The following CDH11 variants were observed in gnomAD, a reference collection of about 807,000 sequenced individuals.
The protein encoded by CDH11 is cadherin 11, also known as cadherin-11.
A neutral mutation model predicts 67.8 loss-of-function variants in CDH11; 11 were observed. The observed-to-expected ratio is 0.16, with a 90% confidence interval of 0.10 to 0.27. CDH11 has a LOEUF of 0.27. Ranked by LOEUF, CDH11 falls within the 10% of genes least tolerant of loss-of-function variation. The pLI is 1.00. For synonymous variants in CDH11, 419 were observed against 400.0 expected (o/e 1.05, Z -0.57); for missense variants, 847 against 1,031.2 (o/e 0.82, Z 2.45).
chr16:65,109,619 T>C (rs111942932), intron 1 of CDH11, among the ~76,000 whole-genome samples: 8 of 152,310 alleles, frequency 5.3e-5, no homozygotes, highest in African/African-American at 1.7e-4. Flanking sequence ...CACCCATCAA[T>C]GCCGAGAGTT....
At chr16:65,100,652 G>A (rs1031342181) in intron 1 of CDH11, among the ~76,000 whole-genome samples, 3 of 150,600 alleles carry the variant, frequency 2.0e-5, no homozygotes, top group Non-Finnish European at 4.4e-5. Flanking sequence ...GCAGGAGAAT[G>A]ACGTGAACCC....
chr16:65,016,140 T>C (rs2073302317), intron 2 of CDH11, among the ~76,000 whole-genome samples: 1 of 152,240 alleles, frequency 6.6e-6, no homozygotes, highest in African/African-American at 2.4e-5. Context: ...CTCTGCCACA[T>C]TTTTAAATGG....
intron 1 of CDH11, among the ~76,000 whole-genome samples, chr16:65,103,208 A>G (rs928417955): frequency 6.6e-6 from 1 of 152,086 alleles, no homozygotes; most frequent in African/African-American, 2.4e-5. Flanking sequence ...GAGTTATCAC[A>G]TATTCTCGGT....
intron 8 of CDH11, among the ~76,000 whole-genome samples, chr16:64,973,432 A>C (rs2072067973): frequency 6.6e-6 from 1 of 152,212 alleles, no homozygotes; most frequent in African/African-American, 2.4e-5. Context: ...AGATTTTTGC[A>C]TATGAAATTT....
chr16:64,998,656 C>G lies in CDH11; in HGVS notation c.429G>C (p.Ser143=), dbSNP rs574599418. ...TGTCCTGGACCTTGACAATGAATTC[C>G]GACGGTGGCTCCAGTGGCCGATTGG... ...RDTNRPLEPP[S]EFIVKVQDIN... Residue 143 remains serine, a synonymous_variant, in exon 4 of 13, where the codon TCG becomes TCC. Coordinates refer to ENST00000268603, the MANE Select transcript of CDH11 (RefSeq NM_001797.4). 1 of 1,614,024 alleles carries G rather than the reference C, an allele frequency of 6.2e-7. No individual in the cohort carries two copies. Among genetic ancestry groups the G allele is most frequent in the East Asian group, 2.2e-5 (1 of 44,848 alleles).
rs371917980 is a variant in CDH11, at chr16:64,982,245, C to A, written c.1056G>T (p.Val352=). ...AYSLKVEAAN[V]HIDPKFISNG... ...TGCTGATAAACTTCGGGTCGATGTG[C>A]ACGTTGGCTGCCTCTACCTTCAAGC... is the stretch of plus-strand genomic sequence containing the variant. Residue 352 remains valine (V), a synonymous_variant, in exon 8 of 13, where the codon GTG becomes GTT. Coordinates refer to ENST00000268603, the MANE Select transcript of CDH11 (RefSeq NM_001797.4). 1 of 1,613,216 alleles carries A rather than the reference C, an allele frequency of 6.2e-7. No individual in the cohort carries two copies. Among genetic ancestry groups the A allele is most frequent in the Non-Finnish European group, 8.5e-7 (1 of 1,179,308 alleles).
chr16:65,105,783 A>G (rs2142868655), intron 1 of CDH11, among the ~76,000 whole-genome samples: 1 of 152,346 alleles, frequency 6.6e-6, no homozygotes, highest in Admixed American at 6.5e-5. Context: ...TTCAGAAAGA[A>G]ATGTTAATCG....
chr16:65,026,516 C>A (rs557686987), intron 2 of CDH11, among the ~76,000 whole-genome samples: 1 of 152,132 alleles, frequency 6.6e-6, no homozygotes. Context: ...TTCCACATAG[C>A]CACCACTCAA....
intron 2 of CDH11, among the ~76,000 whole-genome samples, chr16:65,010,153 T>A (rs1475311583): frequency 6.6e-6 from 1 of 152,108 alleles, no homozygotes; most frequent in African/African-American, 2.4e-5. Context: ...TAATTTATAG[T>A]TAGAGACAGG....
intron 1 of CDH11, among the ~76,000 whole-genome samples, chr16:65,058,060 C>T (rs560211791): frequency 2.6e-5 from 4 of 151,892 alleles, no homozygotes; most frequent in East Asian, 1.9e-4. Flanking sequence ...TATGGCGAAA[C>T]GTGTAAAAAA....
At chr16:65,018,945 G>C (rs2142571246) in intron 2 of CDH11, among the ~76,000 whole-genome samples, 1 of 152,278 alleles carries the variant, frequency 6.6e-6, no homozygotes, top group South Asian at 2.1e-4. Flanking sequence ...AATTGACAAG[G>C]AAATCCAGTT....
At chr16:65,001,209 G>A (rs1461237512) in intron 3 of CDH11, among the ~76,000 whole-genome samples, 6 of 152,086 alleles carry the variant, frequency 3.9e-5, no homozygotes, top group Non-Finnish European at 8.8e-5. Flanking sequence ...TTGTTTCTAG[G>A]GGGAAAAAAT....
chr16:65,069,506 C>T (rs1053268197), intron 1 of CDH11, among the ~76,000 whole-genome samples: 10 of 152,110 alleles, frequency 6.6e-5, no homozygotes, highest in African/African-American at 2.2e-4. Context: ...ACATAGACAC[C>T]TGAGCTGGCC....
At position 64,977,611 on chromosome 16, in the gene CDH11, T is replaced by C. The variant is rs923756562; in HGVS notation, c.1253+4437A>G. Among the ~76,000 whole-genome samples, 7 of 152,320 alleles carry C rather than the reference T, an allele frequency of 4.6e-5. No homozygotes were observed. The East Asian group carries it at 1.2e-3, about 25-fold the overall frequency. Reference sequence around the variant, plus strand: ...CATATCTTTCTGCACAAAGAGAATATAGTAATCAAACCTTCTTGGGAAATC... The same window carrying C: ...CATATCTTTCTGCACAAAGAGAATACAGTAATCAAACCTTCTTGGGAAATC... On this transcript the variant is annotated intron_variant, in intron 8 of 12. Coordinates refer to ENST00000268603, the MANE Select transcript of CDH11 (RefSeq NM_001797.4).
At chr16:65,071,224 C>G (rs774802500) in intron 1 of CDH11, among the ~76,000 whole-genome samples, 1 of 152,170 alleles carries the variant, frequency 6.6e-6, no homozygotes, top group African/African-American at 2.4e-5. Context: ...CCAGCAAGCC[C>G]GTTAACGATT....
chr16:65,039,325 A>G (rs1382664605), intron 2 of CDH11, among the ~76,000 whole-genome samples: 3 of 152,348 alleles, frequency 2.0e-5, no homozygotes, highest in African/African-American at 7.2e-5. Flanking sequence ...ACAAGGCTAC[A>G]GTAACCAAAA....
chr16:64,968,851 T>A (rs2071919347), intron 11 of CDH11, among the ~76,000 whole-genome samples: 1 of 152,198 alleles, frequency 6.6e-6, no homozygotes, highest in Admixed American at 6.5e-5. Flanking sequence ...TGGAATGTGA[T>A]TACTCCTTTT....
intron 1 of CDH11, among the ~76,000 whole-genome samples, chr16:65,074,330 G>A (rs2074470036): frequency 1.3e-5 from 2 of 152,138 alleles, no homozygotes; most frequent in Non-Finnish European, 2.9e-5. Context: ...AAAACTGCAG[G>A]AAATAGCAAG....
chr16:64,953,987 A>T (rs1040034822), intron 11 of CDH11, among the ~76,000 whole-genome samples: 2 of 152,230 alleles, frequency 1.3e-5, no homozygotes, highest in Admixed American at 1.3e-4. Context: ...TGTGGAAGTC[A>T]TAATTTAAAA....
Sources: gnomAD v4.1 joint callset for allele counts (sites outside exome capture counted in the v4.1 genomes callset) on GRCh38, gnomAD v4.1.1 for gene constraint, MANE v1.5 for transcripts, NCBI Gene and HGNC (gene_info 2026-07-23, HGNC 2026-07-21) for gene names.